Variants in RASL12 observed in about 807,000 individuals in gnomAD.
The protein encoded by RASL12 is ras-like protein family member 12.
A neutral mutation model predicts 22.9 loss-of-function variants in RASL12; 16 were observed. That is an observed-to-expected ratio of 0.70 (90% CI 0.47 to 1.06). The LOEUF is 1.06. Among genes scored for constraint, RASL12 ranks in the 50% least tolerant of loss-of-function variants. RASL12 has a pLI of 0.00. For missense variants in RASL12, 306 were observed against 353.1 expected (o/e 0.87, Z 1.07); for synonymous variants, 159 against 152.2 (o/e 1.04, Z -0.33).
Position 65,055,077 on chromosome 15 carries a change from G to T in RASL12, c.623C>A (p.Ala208Asp). Residue 208 changes from alanine (A) to aspartate (D), a missense_variant, in exon 5 of 5, where the codon GCC (alanine) becomes GAC (aspartate). Coordinates refer to ENST00000220062, the MANE Select transcript of RASL12 (RefSeq NM_016563.4). Reference sequence around the variant, plus strand: ...CAGCCCATGCCGCGCGGTGAGCGGGGCCTGGTGGGGCAGGGCCCTCTCCTC... The same window carrying T: ...CAGCCCATGCCGCGCGGTGAGCGGGTCCTGGTGGGGCAGGGCCCTCTCCTC... ...ISEERALPHQAPLTARHGLAS... is the reference protein window; with the variant it reads ...ISEERALPHQDPLTARHGLAS... 1 of 1,612,426 alleles carries T rather than the reference G, an allele frequency of 6.2e-7. No homozygotes were observed. The highest frequency in any genetic ancestry group is 8.5e-7 in the Non-Finnish European group (1 of 1,179,450).
Position 65,053,409 on chromosome 15 carries a change from G to T in RASL12, c.*1490C>A. On this transcript the variant is annotated 3_prime_UTR_variant, in exon 5 of 5. Transcript: ENST00000220062. ...CAGGTGGTATTGCATAGTTTGTTCA[G>T]ATGGCAGTGGTACACACACACATAC... 1 of 1,324,062 alleles carries T rather than the reference G, an allele frequency of 7.6e-7. No homozygotes were observed. Among genetic ancestry groups the T allele is most frequent in the Non-Finnish European group, 9.6e-7 (1 of 1,037,128 alleles). The allele number at this position is 1,324,062 out of a possible 1,614,324, so 82.0% of individuals were successfully genotyped here.
intron 2 of RASL12, among the ~76,000 whole-genome samples, chr15:65,059,848 G>A (rs1595905940): frequency 1.3e-5 from 2 of 152,320 alleles, no homozygotes; most frequent in East Asian, 3.9e-4. Flanking sequence ...AGAGACAAGG[G>A]AAAAGAGAAG....
chr15:65,068,391 T>C, upstream of RASL12: 1 of 680,102 alleles, frequency 1.5e-6, no homozygotes, highest in South Asian at 6.5e-5. The surrounding 1 kb of genome is among the most constrained non-coding windows in gnomAD (Gnocchi z 4.2). Context: ...CCTTGCCCTT[T>C]CTTTAGCTCA....
In RASL12 at chr15:65,054,895, G is replaced by A. The variant is rs372693371; in HGVS notation, c.*4C>T. 3.7e-6 allele frequency: 6 copies of A among 1,605,666 alleles called. No homozygotes were observed. In the African/African-American group the frequency reaches 6.7e-5, roughly 18 times the overall value. ...CCGAGCCTAGGCTTCCTGGGGAGGG[G>A]GCCTCAGAAGATCTTGAAGCCCTTC... On this transcript the variant is annotated 3_prime_UTR_variant, in exon 5 of 5. Transcript: ENST00000220062.
chr15:65,053,913 T>C lies in RASL12; in HGVS notation c.*986A>G, dbSNP rs551555536. On this transcript the variant is annotated 3_prime_UTR_variant, in exon 5 of 5. Coordinates refer to ENST00000220062, the MANE Select transcript of RASL12 (RefSeq NM_016563.4). ...AAATAACATAAGCAAAATTTTGCTT[T>C]ATTAACCCAAAATGCTTTAGGTTCT... The C allele has an allele frequency of 1.0e-6, 1 of 985,870 alleles. No homozygotes were observed. Among genetic ancestry groups the C allele is most frequent in the South Asian group, 4.7e-5 (1 of 21,290 alleles). The allele number at this position is 985,870 out of a possible 1,614,324, so 61.1% of individuals were successfully genotyped here.
downstream of RASL12, chr15:65,052,969 A>G (rs913552152): frequency 7.0e-6 from 10 of 1,419,166 alleles, no homozygotes; most frequent in Non-Finnish European, 9.5e-6. Flanking sequence ...CCCCCAGAAA[A>G]GAAAAGATGC....
upstream of RASL12, among the ~76,000 whole-genome samples, chr15:65,071,395 C>T (rs181734962): frequency 6.6e-6 from 1 of 152,214 alleles, no homozygotes; most frequent in East Asian, 1.9e-4. Context: ...AGTTCCTTGT[C>T]CTCTCCAAAT....
chr15:65,070,596 A>C (rs1346143664), upstream of RASL12, among the ~76,000 whole-genome samples: 1 of 152,212 alleles, frequency 6.6e-6, no homozygotes, highest in East Asian at 1.9e-4. Flanking sequence ...AGCAGTGGGC[A>C]TGCAGCAGGT....
intron 1 of RASL12, among the ~76,000 whole-genome samples, chr15:65,075,926 G>A (rs1185204373): frequency 1.3e-5 from 2 of 152,118 alleles, no homozygotes; most frequent in African/African-American, 2.4e-5. Context: ...CCTGAGTTTA[G>A]TTCAAGGTTT....
upstream of RASL12, chr15:65,068,204 G>A (rs2086904942): frequency 1.0e-6 from 1 of 993,400 alleles, no homozygotes. The surrounding 1 kb of genome is among the most constrained non-coding windows in gnomAD (Gnocchi z 4.2). Flanking sequence ...AAACCCGGCC[G>A]GGAAGGAGCA....
At chr15:65,056,969 CT>C (rs2086740050) in intron 4 of RASL12, among the ~76,000 whole-genome samples, 1 of 152,144 alleles carries the variant, frequency 6.6e-6, no homozygotes, top group Non-Finnish European at 1.5e-5. Flanking sequence ...GCTTTTTTCC[CT>C]GTACTGAAAA....
chr15:65,074,372 T>G (rs1259509751), intron 1 of RASL12, among the ~76,000 whole-genome samples: 2 of 151,482 alleles, frequency 1.3e-5, no homozygotes, highest in African/African-American at 2.4e-5. Flanking sequence ...TAGGTGTTAT[T>G]ATTGGCCCCA....
upstream of RASL12, among the ~76,000 whole-genome samples, chr15:65,069,854 G>A (rs1036306526): frequency 3.3e-5 from 5 of 152,118 alleles, no homozygotes; most frequent in Non-Finnish European, 7.4e-5. Context: ...TGAGCTGGTG[G>A]CCACCTGGTT....
chr15:65,070,566 G>C (rs1447580896), upstream of RASL12, among the ~76,000 whole-genome samples: 1 of 152,200 alleles, frequency 6.6e-6, no homozygotes, highest in Non-Finnish European at 1.5e-5. Context: ...TCAAAATCTA[G>C]AGGATGTGGC....
chr15:65,054,253 A>G lies in RASL12; in HGVS notation c.*646T>C, dbSNP rs946716441. The G allele has an allele frequency of 5.1e-6, 5 of 985,822 alleles. No individual in the cohort carries two copies. The African/African-American group carries it at 8.7e-5, about 17-fold the overall frequency. The allele number at this position is 985,822 out of a possible 1,614,324, so 61.1% of individuals were successfully genotyped here. On this transcript the variant is annotated 3_prime_UTR_variant, in exon 5 of 5. Transcript: ENST00000220062. ...TGGGGCTCCTTATGCTGGACAACCTACAGTCCCTCCCTTTTATCCTCATTG... is the reference window on the plus strand; with the variant it reads ...TGGGGCTCCTTATGCTGGACAACCTGCAGTCCCTCCCTTTTATCCTCATTG...
chr15:65,073,042 C>CT (rs1341576574), intron 1 of RASL12, among the ~76,000 whole-genome samples: 1 of 151,566 alleles, frequency 6.6e-6, no homozygotes, highest in African/African-American at 2.4e-5. Flanking sequence ...GACTCCGTCT[C>CT]AAAAAAAGAA....
At chr15:65,076,610 A>C in exon 1 of RASL12, 1 of 703,350 alleles carries the variant, frequency 1.4e-6, no homozygotes, top group Non-Finnish European at 2.6e-6. Flanking sequence ...TCTTCTAAGG[A>C]TATGAGTGAT....
intron 4 of RASL12, among the ~76,000 whole-genome samples, chr15:65,057,151 C>T (rs909128742): frequency 1.3e-5 from 2 of 152,178 alleles, no homozygotes; most frequent in Non-Finnish European, 2.9e-5. Context: ...TCCCCTTTCA[C>T]GGTCCCACAC....
At chr15:65,066,901 C>A (rs1189461989) in intron 1 of RASL12, among the ~76,000 whole-genome samples, 3 of 152,158 alleles carry the variant, frequency 2.0e-5, no homozygotes, top group Non-Finnish European at 2.9e-5. Context: ...AGTGGAGGAC[C>A]CCTTCTGCCC....
Sources: gnomAD v4.1 joint callset for allele counts (sites outside exome capture counted in the v4.1 genomes callset) on GRCh38, gnomAD v4.1.1 for gene constraint, Gnocchi (gnomAD v3.1) non-coding constraint, MANE v1.5 for transcripts, NCBI Gene and HGNC (gene_info 2026-07-23, HGNC 2026-07-21) for gene names.